COX6A2: variants seen among roughly 807,000 people sequenced by gnomAD.
COX6A2 encodes cytochrome c oxidase subunit 6A2.
A neutral mutation model predicts 7.2 loss-of-function variants in COX6A2; 5 were observed. The ratio of observed to expected loss-of-function variants is 0.69; its 90% CI spans 0.36 to 1.45. The LOEUF is 1.45. Among genes scored for constraint, COX6A2 ranks in the 40% most tolerant of loss-of-function variants. The pLI is 0.03. For synonymous variants in COX6A2, 63 were observed against 55.9 expected (o/e 1.13, Z -0.56); for missense variants, 174 against 137.7 (o/e 1.26, Z -1.32).
chr16:31,428,168 G>A lies in COX6A2; in HGVS notation c.74-17C>T, dbSNP rs1597176953. On this transcript the variant is annotated splice_polypyrimidine_tract_variant and intron_variant, in intron 1 of 2. Coordinates refer to ENST00000287490, the MANE Select transcript of COX6A2 (RefSeq NM_005205.4). ...AGGTACGAGCTGCGGACGGAGCGGG[G>A]TGAGCGCGGCGGTCCTGGGGCGGCG... The A allele has an allele frequency of 2.6e-6, 4 of 1,567,652 alleles. No homozygotes were observed. Among genetic ancestry groups the A allele is most frequent in the Non-Finnish European group, 3.5e-6 (4 of 1,157,208 alleles).
chr16:31,428,044 G>T lies in COX6A2; in HGVS notation c.181C>A (p.Pro61Thr). The change falls in exon 2 of 3, where the codon CCC becomes ACC. Residue 61 changes from proline (P) to threonine (T), a missense_variant. Pro to Thr is a conservative substitution (Grantham distance 38). Transcript: ENST00000287490. Reference sequence around the variant, plus strand: ...GTGCGGATGCGGAGGTGTTGGTAGGGACGGAACTCGGGGCGCGGGCGGTGG... The same window carrying T: ...GTGCGGATGCGGAGGTGTTGGTAGGTACGGAACTCGGGGCGCGGGCGGTGG... ...SGHRPRPEFR[P>T]YQHLRIRTKP... 1 of 1,540,536 alleles carries T rather than the reference G, an allele frequency of 6.5e-7. No homozygotes were observed. Among genetic ancestry groups the T allele is most frequent in the Non-Finnish European group, 8.7e-7 (1 of 1,144,748 alleles).
rs1386919514 is a variant in COX6A2, at chr16:31,428,254, T to C, written c.72A>G (p.Gly24=). 5 of 1,595,044 alleles carry C rather than the reference T, an allele frequency of 3.1e-6. No homozygotes were observed. The highest frequency in any genetic ancestry group is 4.3e-6 in the Non-Finnish European group (5 of 1,171,376). ...CGGATCCGCCCGTTCCCCACTCACC[T>C]CCTGCTCCTCCGTGGCCTCCTTTGG... ...SAAKGGHGGA[G]ARTWRLLTFV... is the part of the protein sequence containing the mutation. Residue 24 remains glycine, a splice_region_variant and synonymous_variant, in exon 1 of 3, where the codon GGA becomes GGG. Coordinates refer to ENST00000287490, the MANE Select transcript of COX6A2 (RefSeq NM_005205.4).
chr16:31,427,911 G>GGAGTCCGCGCCC, intron 2 of COX6A2, 54 bp from the exon 3 acceptor site: 1 of 364,810 alleles, frequency 2.7e-6, no homozygotes, highest in Non-Finnish European at 3.4e-6. Context: ...TCCGGAGTCC[G>GGAGTCCGCGCCC]CGCCCCGCGC....
Position 31,428,360 on chromosome 16 carries a change from C to T in COX6A2, c.-35G>A, listed in dbSNP as rs376029051. 1.2e-5 allele frequency: 18 copies of T among 1,554,804 alleles called. 1 individual carries two copies. In the South Asian group the frequency reaches 1.3e-4, roughly 11 times the overall value. On this transcript the variant is annotated 5_prime_UTR_variant, in exon 1 of 3. Coordinates refer to ENST00000287490, the MANE Select transcript of COX6A2 (RefSeq NM_005205.4). The stretch of plus-strand genomic sequence containing the variant: ...GGGAGCCGGGAACCAGCGCTGTCCT[C>T]GCTCCCTTTCCTGGGGCCTGGGGTC...
Position 31,427,875 on chromosome 16 carries a change from GA to G in COX6A2, c.211-19del. ...GGGTAGGGCTGTGGAGAGAGCGGGG[GA>G]GGGAGCGCGCGTGAGCGCCGTGAGT... On this transcript the variant is annotated intron_variant, in intron 2 of 2. Coordinates refer to ENST00000287490, the MANE Select transcript of COX6A2 (RefSeq NM_005205.4). The G allele has an allele frequency of 7.5e-7, 1 of 1,341,710 alleles. No individual in the cohort carries two copies. 83.1% of individuals were successfully genotyped at this position (1,341,710 alleles called of 1,614,324 possible).
chr16:31,427,758 GGGGGCGTCC>G lies in COX6A2; in HGVS notation c.*7_*15del, dbSNP rs756663633. On this transcript the variant is annotated 3_prime_UTR_variant, in exon 3 of 3. Transcript: ENST00000287490. ...GAAGCTTCACACCTTTATTGTGTCC[GGGGGCGTCC>G]GGGGCCTCAGGGGTGTTCGTAGCCC... 3.8e-4 allele frequency: 529 copies of G among 1,395,296 alleles called. No individual in the cohort carries two copies. Among genetic ancestry groups the G allele is most frequent in the Middle Eastern group, 2.2e-3 (11 of 5,000 alleles). 86.4% of individuals were successfully genotyped at this position (1,395,296 alleles called of 1,614,324 possible). A position where few individuals can be genotyped will look rare whatever the true frequency, so the allele number is the denominator to read the frequency against.
intron 1 of COX6A2, 44 bp from the exon 2 acceptor site, chr16:31,428,195 G>T (rs2082153622): frequency 1.9e-6 from 3 of 1,550,104 alleles, no homozygotes; most frequent in South Asian, 2.4e-5. Context: ...GGGGCGGCGG[G>T]CCTGTGAACA....
Position 31,427,765 on chromosome 16 carries a change from T to C in COX6A2, c.*9A>G. 2 of 1,404,080 alleles carry C rather than the reference T, an allele frequency of 1.4e-6. No homozygotes were observed. The highest frequency in any genetic ancestry group is 1.9e-6 in the Non-Finnish European group (2 of 1,074,730). The allele number at this position is 1,404,080 out of a possible 1,614,324, so 87.0% of individuals were successfully genotyped here. On this transcript the variant is annotated 3_prime_UTR_variant, in exon 3 of 3. Coordinates refer to ENST00000287490, the MANE Select transcript of COX6A2 (RefSeq NM_005205.4). Reference sequence around the variant, plus strand: ...CACACCTTTATTGTGTCCGGGGGCGTCCGGGGCCTCAGGGGTGTTCGTAGC... The same window carrying C: ...CACACCTTTATTGTGTCCGGGGGCGCCCGGGGCCTCAGGGGTGTTCGTAGC...
Position 31,427,839 on chromosome 16 carries a change from C to G in COX6A2, c.229G>C (p.Gly77Arg), listed in dbSNP as rs1214284564. The part of the protein sequence containing the change: ...IRTKPYPWGD[G>R]NHTLFHNSHV... ...CTATTGTGGAACAGAGTGTGGTTGC[C>G]GTCCCCCCAGGGGTAGGGCTGTGGA... The change falls in exon 3 of 3, where the codon GGC (glycine) becomes CGC (arginine). Residue 77 changes from glycine (G) to arginine (R), a missense_variant. Transcript: ENST00000287490. 1 of 1,394,692 alleles carries G rather than the reference C, an allele frequency of 7.2e-7. No homozygotes were observed. The highest frequency in any genetic ancestry group is 9.3e-7 in the Non-Finnish European group (1 of 1,069,776). 86.4% of individuals were successfully genotyped at this position (1,394,692 alleles called of 1,614,324 possible).
intron 2 of COX6A2, 68 bp from the exon 3 acceptor site, chr16:31,427,925 C>CCGCGCGCA: frequency 5.1e-5 from 1 of 19,514 alleles, no homozygotes; most frequent in Non-Finnish European, 6.9e-5. Context: ...CCCGCGCGAC[C>CCGCGCGCA]CCCCCCCCGC....
chr16:31,427,965 C>A (rs1340477295), intron 2 of COX6A2, 50 bp downstream of exon 2: 1 of 915,278 alleles, frequency 1.1e-6, no homozygotes, highest in Non-Finnish European at 1.4e-6. Flanking sequence ...GCAGCACCCC[C>A]CCCCGCCCCC....
Position 31,428,149 on chromosome 16 carries a change from G to T in COX6A2, c.76C>A (p.Arg26Ser). The T allele has an allele frequency of 6.4e-7, 1 of 1,572,174 alleles. No individual in the cohort carries two copies. The highest frequency in any genetic ancestry group is 2.4e-5 in the East Asian group (1 of 42,214). The change falls in exon 2 of 3, where the codon CGT becomes AGT. Residue 26 changes from arginine (R) to serine (S), a missense_variant and splice_region_variant. Physicochemically the swap from Arg to Ser is moderately radical, Grantham distance 110. Transcript: ENST00000287490. ...ACGAAGGTCAGCAGACGCCAGGTAC[G>T]AGCTGCGGACGGAGCGGGGTGAGCG... is the stretch of plus-strand genomic sequence containing the variant. ...AKGGHGGAGA[R>S]TWRLLTFVLA...
At position 31,427,995 on chromosome 16, in the gene COX6A2, C is replaced by T. The variant is rs576532718; in HGVS notation, c.210+20G>A. On this transcript the variant is annotated intron_variant, in intron 2 of 2. Coordinates refer to ENST00000287490, the MANE Select transcript of COX6A2 (RefSeq NM_005205.4). ...GCCCCCGCAGCACCCCCGTGCCGCC[C>T]GCGCGCCCGTCCCGCGTACCTTGGT... The T allele has an allele frequency of 3.3e-5, 44 of 1,344,366 alleles. No homozygotes were observed. In the South Asian group the frequency reaches 6.9e-4, roughly 21 times the overall value. 83.3% of individuals were successfully genotyped at this position (1,344,366 alleles called of 1,614,324 possible).
At chr16:31,428,176 G>T in intron 1 of COX6A2, 25 bp from the exon 2 acceptor site, 1 of 1,561,418 alleles carries the variant, frequency 6.4e-7, no homozygotes, top group Non-Finnish European at 8.7e-7. Context: ...GGGTGAGCGC[G>T]GCGGTCCTGG....
At position 31,427,997 on chromosome 16, in the gene COX6A2, C is replaced by T. The variant is rs764748820; in HGVS notation, c.210+18G>A. The T allele has an allele frequency of 1.6e-3, 2,169 of 1,343,790 alleles. 4 individuals carry two copies. The highest frequency in any genetic ancestry group is 2.0e-3 in the Non-Finnish European group (2,065 of 1,037,990). The allele number at this position is 1,343,790 out of a possible 1,614,324, so 83.2% of individuals were successfully genotyped here. On this transcript the variant is annotated intron_variant, in intron 2 of 2. Transcript: ENST00000287490. ...CCCCGCAGCACCCCCGTGCCGCCCG[C>T]GCGCCCGTCCCGCGTACCTTGGTGC...
rs761201019 is a variant in COX6A2 at position 31,427,847 on chromosome 16, C to A, written c.221G>T (p.Trp74Leu). ...GAACAGAGTGTGGTTGCCGTCCCCC[C>A]AGGGGTAGGGCTGTGGAGAGAGCGG... is the stretch of plus-strand genomic sequence containing the variant. Reference protein sequence around the residue: ...HLRIRTKPYPWGDGNHTLFHN... With the variant: ...HLRIRTKPYPLGDGNHTLFHN... The change falls in exon 3 of 3, where the codon TGG becomes TTG. Residue 74 changes from tryptophan (W) to leucine (L), a missense_variant. Trp to Leu is a moderately conservative substitution (Grantham distance 61, BLOSUM62 -2). Coordinates refer to ENST00000287490, the MANE Select transcript of COX6A2 (RefSeq NM_005205.4). The A allele has an allele frequency of 1.4e-6, 2 of 1,399,868 alleles. No individual in the cohort carries two copies. The highest frequency in any genetic ancestry group is 1.9e-6 in the Non-Finnish European group (2 of 1,072,922). 86.7% of individuals were successfully genotyped at this position (1,399,868 alleles called of 1,614,324 possible). A position where few individuals can be genotyped will look rare whatever the true frequency, so the allele number is the denominator to read the frequency against.
chr16:31,428,293 GCCC>G lies in COX6A2; in HGVS notation c.30_32del (p.Gly11del), dbSNP rs2082154601. On this transcript the variant is annotated inframe_deletion, in exon 1 of 3. Transcript: ENST00000287490. ...GGCCTCCTTTGGCAGCGCTGGCCAA[GCCC>G]CGGGTCAGGGGCCTCAGAGGCAAAG... 6.2e-7 allele frequency: 1 copy of G among 1,606,568 alleles called. No individual in the cohort carries two copies. Among genetic ancestry groups the G allele is most frequent in the African/African-American group, 1.3e-5 (1 of 74,688 alleles).
rs1337341573 is a variant in COX6A2 at position 31,427,963 on chromosome 16, C to T, written c.210+52G>A. On this transcript the variant is annotated intron_variant, in intron 2 of 2. Coordinates refer to ENST00000287490, the MANE Select transcript of COX6A2 (RefSeq NM_005205.4). ...CACCCCCCCCCGCCCCCGCAGCACC[C>T]CCCCCCGCCCCCGCAGCACCCCCGT... The T allele has an allele frequency of 3.0e-5, 24 of 813,132 alleles. 1 individual carries two copies. In the South Asian group the frequency reaches 1.3e-3, roughly 43 times the overall value. The allele number at this position is 813,132 out of a possible 1,614,324, so 50.4% of individuals were successfully genotyped here.
At position 31,427,827 on chromosome 16, in the gene COX6A2, G is replaced by T; in HGVS notation, c.241C>A (p.Leu81Met). The T allele has an allele frequency of 3.6e-6, 5 of 1,406,786 alleles. No homozygotes were observed. Among genetic ancestry groups the T allele is most frequent in the Non-Finnish European group, 3.7e-6 (4 of 1,076,632 alleles). The allele number at this position is 1,406,786 out of a possible 1,614,324, so 87.1% of individuals were successfully genotyped here. A position where few individuals can be genotyped will look rare whatever the true frequency, so the allele number is the denominator to read the frequency against. The change falls in exon 3 of 3, where the codon CTG becomes ATG. Residue 81 changes from leucine to methionine, a missense_variant. Leu to Met is a conservative substitution (Grantham distance 15). Coordinates refer to ENST00000287490, the MANE Select transcript of COX6A2 (RefSeq NM_005205.4). ...PYPWGDGNHT[L>M]FHNSHVNPLP... ...GGGTTCACGTGGCTATTGTGGAACAGAGTGTGGTTGCCGTCCCCCCAGGGG... is the reference window on the plus strand; with the variant it reads ...GGGTTCACGTGGCTATTGTGGAACATAGTGTGGTTGCCGTCCCCCCAGGGG...
Sources: allele counts gnomAD v4.1 joint callset, GRCh38; gene constraint gnomAD v4.1.1; transcripts MANE v1.5; gene names NCBI Gene and HGNC (gene_info 2026-07-23, HGNC 2026-07-21).